The following PTPRK variants were observed in gnomAD, a reference collection of about 807,000 sequenced individuals.
The protein encoded by PTPRK is receptor-type tyrosine-protein phosphatase kappa.
In PTPRK, 75 loss-of-function variants were observed where a neutral mutation model predicts 178.0. The ratio of observed to expected loss-of-function variants is 0.42; its 90% confidence interval spans 0.35 to 0.51. The LOEUF (loss-of-function observed/expected upper bound fraction) is 0.51, where lower values mean the gene tolerates loss of function less well. Among genes scored for constraint, PTPRK ranks in the 20% least tolerant of loss-of-function variants. The pLI is 0.02. For synonymous variants in PTPRK, 637 were observed against 620.6 expected, an observed-to-expected ratio of 1.03 and a Z score of -0.39; for missense variants, 1,441 against 1,797.8, an observed-to-expected ratio of 0.80 and a Z score of 3.59.
chr6:128,371,980 G>T (rs1341197534), intron 2 of PTPRK, among the ~76,000 whole-genome samples: 1 of 151,938 alleles, frequency 6.6e-6, no homozygotes. Context: ...AAATTCAATG[G>T]CATTTTAGTA....
chr6:128,283,867 A>G (rs1485231093), intron 3 of PTPRK, among the ~76,000 whole-genome samples: 2 of 152,154 alleles, frequency 1.3e-5, no homozygotes, highest in Admixed American at 1.3e-4. Context: ...TTTCACTTTT[A>G]GGCCATTAGC....
chr6:128,379,051 T>C (rs1308103807), intron 2 of PTPRK, among the ~76,000 whole-genome samples: 1 of 152,152 alleles, frequency 6.6e-6, no homozygotes, highest in Non-Finnish European at 1.5e-5. Flanking sequence ...ATATAGTACC[T>C]GATTATTTGC....
intron 1 of PTPRK, among the ~76,000 whole-genome samples, chr6:128,511,099 T>G (rs1481219239): frequency 1.3e-5 from 2 of 152,124 alleles, no homozygotes; most frequent in African/African-American, 4.8e-5. Context: ...TAATATAAAT[T>G]CATGCTTTAA....
At chr6:128,322,397 G>T in intron 2 of PTPRK, 87 bp from the exon 3 acceptor site, 2 of 1,304,222 alleles carry the variant, frequency 1.5e-6, no homozygotes, top group Non-Finnish European at 2.1e-6. Context: ...TCCATTCTGA[G>T]CATTAAATTT....
chr6:128,513,237 C>A (rs1857433042), intron 1 of PTPRK, among the ~76,000 whole-genome samples: 1 of 151,996 alleles, frequency 6.6e-6, no homozygotes, highest in Admixed American at 6.6e-5. Flanking sequence ...GTAATCCCAG[C>A]ATTTTAGAAG....
intron 1 of PTPRK, among the ~76,000 whole-genome samples, chr6:128,509,463 C>G (rs62425738): frequency 0.15 from 22,729 of 151,994 alleles, 1,882 homozygotes; most frequent in Non-Finnish European, 0.18. Flanking sequence ...ATATATGAAG[C>G]ATTTATTTAT....
At chr6:128,019,608 C>A (rs971614275) in intron 13 of PTPRK, among the ~76,000 whole-genome samples, 6 of 151,508 alleles carry the variant, frequency 4.0e-5, no homozygotes, top group African/African-American at 1.5e-4. Context: ...TTTTTTGTTT[C>A]CTTCCTTTCA....
At chr6:128,417,316 C>A (rs117998856) in intron 1 of PTPRK, among the ~76,000 whole-genome samples, 1 of 152,246 alleles carries the variant, frequency 6.6e-6, no homozygotes, top group Non-Finnish European at 1.5e-5. Flanking sequence ...CCTAGGAAGA[C>A]AACAGAGTAC....
intron 3 of PTPRK, among the ~76,000 whole-genome samples, chr6:128,268,092 A>G (rs1394778317): frequency 2.6e-5 from 4 of 152,026 alleles, no homozygotes; most frequent in Non-Finnish European, 4.4e-5. Flanking sequence ...GAGGAATGGG[A>G]TAGTGGCGGT....
chr6:128,311,616 A>G (rs1432422425), intron 3 of PTPRK, among the ~76,000 whole-genome samples: 2 of 151,992 alleles, frequency 1.3e-5, no homozygotes, highest in Non-Finnish European at 1.5e-5. Flanking sequence ...GGAAACCTCA[A>G]GTGCCTTTTA....
At chr6:128,369,959 C>A (rs1338963399) in intron 2 of PTPRK, among the ~76,000 whole-genome samples, 2 of 151,614 alleles carry the variant, frequency 1.3e-5, no homozygotes, top group Non-Finnish European at 2.9e-5. Flanking sequence ...TGAAACCATT[C>A]AAAATATTTA....
At chr6:128,006,017 T>C in intron 14 of PTPRK, 2 of 1,553,438 alleles carry the variant, frequency 1.3e-6, no homozygotes, top group South Asian at 1.2e-5. Flanking sequence ...TCACCCATTT[T>C]CTACTTACAG....
chr6:128,485,555 C>T (rs544503084), intron 1 of PTPRK, among the ~76,000 whole-genome samples: 1 of 152,274 alleles, frequency 6.6e-6, no homozygotes, highest in South Asian at 2.1e-4. Flanking sequence ...TAATGTGTCT[C>T]ATGTGTGTTG....
intron 7 of PTPRK, among the ~76,000 whole-genome samples, chr6:128,101,502 G>A (rs1439753273): frequency 6.6e-6 from 1 of 152,012 alleles, no homozygotes; most frequent in Non-Finnish European, 1.5e-5. Context: ...GCAATTCTAT[G>A]TCTTTTTCTT....
intron 6 of PTPRK, among the ~76,000 whole-genome samples, chr6:128,194,120 C>T (rs1352159336): frequency 6.7e-6 from 1 of 149,208 alleles, no homozygotes; most frequent in Non-Finnish European, 1.5e-5. Flanking sequence ...GAGTCTTGCT[C>T]TGTTGCCCAG....
intron 1 of PTPRK, among the ~76,000 whole-genome samples, chr6:128,476,754 T>C (rs1851423212): frequency 6.6e-6 from 1 of 152,028 alleles, no homozygotes; most frequent in Admixed American, 6.6e-5. Flanking sequence ...AATGCATTCA[T>C]AGTTTTCAGG....
chr6:128,348,566 G>A (rs1832718171), intron 2 of PTPRK, among the ~76,000 whole-genome samples: 1 of 151,770 alleles, frequency 6.6e-6, no homozygotes, highest in African/African-American at 2.4e-5. Context: ...CTGTAAGAAT[G>A]ACAATCCGTT....
At chr6:128,509,637 T>C (rs1287139319) in intron 1 of PTPRK, among the ~76,000 whole-genome samples, 1 of 152,116 alleles carries the variant, frequency 6.6e-6, no homozygotes, top group Non-Finnish European at 1.5e-5. Context: ...AAGTGTCTGG[T>C]TCAGTAGACT....
At position 128,453,252 on chromosome 6, in the gene PTPRK, G is replaced by T. The variant is rs140505152; in HGVS notation, c.101-55564C>A. Among the ~76,000 whole-genome samples, 115 of 152,282 alleles carry T rather than the reference G, an allele frequency of 7.6e-4. 1 individual carries two copies. The highest frequency in any genetic ancestry group is 2.7e-3 in the African/African-American group (113 of 41,578). ...CAAATCTACAGGGGGAATGGGATTAGACATGTGAAATATCCCACTCTGAGA... is the reference window on the plus strand; with the variant it reads ...CAAATCTACAGGGGGAATGGGATTATACATGTGAAATATCCCACTCTGAGA... On this transcript the variant is annotated intron_variant, in intron 1 of 29. Transcript: ENST00000368226.
Sources: gnomAD v4.1 joint callset for allele counts (sites outside exome capture counted in the v4.1 genomes callset) on GRCh38, gnomAD v4.1.1 for gene constraint, MANE v1.5 for transcripts, NCBI Gene and HGNC (gene_info 2026-07-23, HGNC 2026-07-21) for gene names.